The following MRPL48 variants were observed in gnomAD, a reference collection of about 807,000 sequenced individuals.
MRPL48 encodes the protein mitochondrial ribosomal protein L48.
Under a neutral mutation model 32.9 loss-of-function variants are expected in MRPL48, and 16 were observed. The ratio of observed to expected loss-of-function variants is 0.49; its 90% CI spans 0.33 to 0.74. The LOEUF (loss-of-function observed/expected upper bound fraction) is 0.74. MRPL48 is among the 30% of genes least tolerant of loss of function. The pLI is 0.02. For missense variants in MRPL48, 206 were observed against 245.3 expected, an observed-to-expected ratio of 0.84 and a Z score of 1.07; for synonymous variants, 94 against 89.2, an observed-to-expected ratio of 1.05 and a Z score of -0.31.
At chr11:73,814,378 C>T (rs970240414) in intron 3 of MRPL48, among the ~76,000 whole-genome samples, 4 of 150,994 alleles carry the variant, frequency 2.6e-5, no homozygotes, top group South Asian at 4.2e-4. Context: ...GAAGACAGCA[C>T]GAGATCATGT....
chr11:73,855,850 C>A (rs1356190956), intron 5 of MRPL48, among the ~76,000 whole-genome samples: 1 of 152,118 alleles, frequency 6.6e-6, no homozygotes, highest in Non-Finnish European at 1.5e-5. Context: ...CTTCAGGAAA[C>A]CTCATTAAGT....
intron 1 of MRPL48, among the ~76,000 whole-genome samples, chr11:73,798,293 C>G (rs58755935): frequency 5.3e-5 from 8 of 152,166 alleles, no homozygotes; most frequent in African/African-American, 1.9e-4. Flanking sequence ...CAAAATACAG[C>G]CTGTTGGCCA....
At chr11:73,827,603 G>T (rs12786020) in intron 4 of MRPL48, among the ~76,000 whole-genome samples, 8,352 of 152,166 alleles carry the variant, frequency 0.055, 255 homozygotes, top group Middle Eastern at 0.11. Flanking sequence ...ACAGTACAGT[G>T]GGGGGAGATT....
At chr11:73,824,311 C>T (rs1001963445) in intron 3 of MRPL48, among the ~76,000 whole-genome samples, 31 of 151,428 alleles carry the variant, frequency 2.0e-4, no homozygotes, top group African/African-American at 6.3e-4. Flanking sequence ...ACTGTATGGC[C>T]GGGCGCGGTG....
intron 3 of MRPL48, among the ~76,000 whole-genome samples, chr11:73,811,503 AT>A (rs1013834767): frequency 3.3e-5 from 5 of 152,280 alleles, no homozygotes; most frequent in Middle Eastern, 3.4e-3. Context: ...GATATAAAAA[AT>A]ATAGAAGAGT....
intron 3 of MRPL48, among the ~76,000 whole-genome samples, chr11:73,817,611 C>T (rs941273309): frequency 1.3e-5 from 2 of 152,062 alleles, no homozygotes; most frequent in African/African-American, 4.8e-5. Context: ...TATTTTTGTA[C>T]ATTTACTTGC....
At chr11:73,854,224 G>C (rs1948450268) in intron 5 of MRPL48, among the ~76,000 whole-genome samples, 1 of 152,128 alleles carries the variant, frequency 6.6e-6, no homozygotes, top group African/African-American at 2.4e-5. Flanking sequence ...CTAAGTTTCT[G>C]GTTCCCCCAC....
At chr11:73,863,060 C>A in intron 6 of MRPL48, 112 bp from the exon 7 acceptor site, 1 of 911,968 alleles carries the variant, frequency 1.1e-6, no homozygotes, top group Non-Finnish European at 1.7e-6. Context: ...ATCTTCCACG[C>A]TTGGGCTCTC....
intron 3 of MRPL48, among the ~76,000 whole-genome samples, chr11:73,818,611 T>A (rs1290151849): frequency 6.6e-6 from 1 of 152,252 alleles, no homozygotes; most frequent in Non-Finnish European, 1.5e-5. Flanking sequence ...GTGGTGGCAT[T>A]GTTTCTGCCC....
chr11:73,853,680 CTTTTTTTTTTTTTTTTT>C, intron 5 of MRPL48, among the ~76,000 whole-genome samples: 1 of 79,118 alleles, frequency 1.3e-5, no homozygotes, highest in East Asian at 4.1e-4. Flanking sequence ...GAGATAGCTT[CTTTTTTTTTTTTTTTTT>C]TTTTTTTTTT....
intron 1 of MRPL48, among the ~76,000 whole-genome samples, chr11:73,790,880 C>CTTTTTTTTT (rs71469471): frequency 2.3e-5 from 2 of 86,408 alleles, no homozygotes; most frequent in Non-Finnish European, 4.5e-5. Flanking sequence ...CTTTTCTGTT[C>CTTTTTTTTT]TTTTTTTTTT....
chr11:73,834,267 A>C (rs1360046681), intron 4 of MRPL48, among the ~76,000 whole-genome samples: 1 of 152,200 alleles, frequency 6.6e-6, no homozygotes, highest in Non-Finnish European at 1.5e-5. Context: ...ACCATAATAG[A>C]GAGACCTACA....
At chr11:73,808,796 G>T (rs1054826841) in intron 3 of MRPL48, among the ~76,000 whole-genome samples, 2 of 152,084 alleles carry the variant, frequency 1.3e-5, no homozygotes, top group African/African-American at 4.8e-5. Context: ...GGTGGCAGGC[G>T]CCTGTAATCC....
intron 3 of MRPL48, among the ~76,000 whole-genome samples, chr11:73,823,322 A>G (rs1947815696): frequency 6.6e-6 from 1 of 152,202 alleles, no homozygotes; most frequent in Non-Finnish European, 1.5e-5. Context: ...GCAGGACCAC[A>G]GCAGCTTGAA....
At chr11:73,832,576 T>C (rs1632159) in intron 4 of MRPL48, 81,446 of 158,416 alleles carry the variant, frequency 0.51, 22,255 homozygotes, top group African/African-American at 0.72. Context: ...TTGGGAGGGA[T>C]GCACATGGAG....
In MRPL48 at chr11:73,810,612, AGTTTT is replaced by A. The variant is rs575318204; in HGVS notation, c.112+2266_112+2270del. Among the ~76,000 whole-genome samples, 33 of 148,116 alleles carry A rather than the reference AGTTTT, an allele frequency of 2.2e-4. 1 individual carries two copies. The South Asian group carries it at 6.4e-3, about 29-fold the overall frequency. On this transcript the variant is annotated intron_variant, in intron 3 of 7. Coordinates refer to ENST00000310614, the MANE Select transcript of MRPL48 (RefSeq NM_016055.6). ...TCTGGGTTACATGTGCAGAACGTGC[AGTTTT>A]GTTACATAGATACACGTGCCCTGGT...
intron 1 of MRPL48, among the ~76,000 whole-genome samples, chr11:73,804,698 CCT>C (rs1947419187): frequency 6.6e-6 from 1 of 152,030 alleles, no homozygotes; most frequent in Non-Finnish European, 1.5e-5. Flanking sequence ...TAATAAAGCC[CCT>C]CTCATGATGC....
intron 4 of MRPL48, among the ~76,000 whole-genome samples, chr11:73,844,210 G>A (rs1378199962): frequency 1.3e-5 from 2 of 151,952 alleles, no homozygotes; most frequent in Admixed American, 1.3e-4. Context: ...CGGGTGGATT[G>A]CCTGAGCTCA....
At chr11:73,824,604 C>T (rs1947850202) in intron 3 of MRPL48, among the ~76,000 whole-genome samples, 2 of 151,488 alleles carry the variant, frequency 1.3e-5, no homozygotes, top group East Asian at 1.9e-4. Flanking sequence ...AACAAAAAAA[C>T]TTTATGGAAT....
Sources: allele counts gnomAD v4.1 joint callset (sites outside exome capture counted in the v4.1 genomes callset), GRCh38; gene constraint gnomAD v4.1.1; transcripts MANE v1.5; gene names NCBI Gene and HGNC (gene_info 2026-07-23, HGNC 2026-07-21).